Variants in PPARGC1A observed in about 807,000 individuals in gnomAD.
The protein encoded by PPARGC1A is PPARG coactivator 1 alpha, also known as peroxisome proliferator-activated receptor gamma coactivator 1-alpha.
In PPARGC1A, 25 loss-of-function variants were observed where a neutral mutation model predicts 88.7. That is an observed-to-expected ratio of 0.28 (90% CI 0.21 to 0.39). The LOEUF (loss-of-function observed/expected upper bound fraction) is 0.39, where lower values mean the gene tolerates loss of function less well. PPARGC1A is among the 10% of genes least tolerant of loss of function. PPARGC1A has a pLI of 1.00. For missense variants in PPARGC1A, 880 were observed against 968.7 expected, an observed-to-expected ratio of 0.91 and a Z score of 1.22; for synonymous variants, 363 against 355.6, an observed-to-expected ratio of 1.02 and a Z score of -0.24.
At chr4:24,447,793 C>G in the PPARGC1A span, among the ~76,000 whole-genome samples, 1 of 152,144 alleles carries the variant, frequency 6.6e-6, no homozygotes, top group Non-Finnish European at 1.5e-5. Flanking sequence ...GAGAAAACAT[C>G]GGCATGAAAC....
chr4:23,965,359 G>GAC, the PPARGC1A span, among the ~76,000 whole-genome samples: 2 of 152,158 alleles, frequency 1.3e-5, no homozygotes, highest in Non-Finnish European at 2.9e-5. Context: ...ACTAATGCTT[G>GAC]ACACTATGTC....
the PPARGC1A span, among the ~76,000 whole-genome samples, chr4:24,430,255 CTTTTTTTTTT>C: frequency 2.7e-5 from 3 of 110,774 alleles, no homozygotes; most frequent in Non-Finnish European, 5.4e-5. Context: ...TTTTGTATTT[CTTTTTTTTTT>C]TTTTTTTTTT....
the PPARGC1A span, among the ~76,000 whole-genome samples, chr4:24,136,377 A>C: frequency 2.0e-5 from 3 of 152,224 alleles, no homozygotes; most frequent in Non-Finnish European, 4.4e-5. Context: ...GTAGAGTTAC[A>C]GTGTATCACT....
In PPARGC1A at chr4:23,831,558, A is replaced by T; in HGVS notation, c.428T>A (p.Leu143Gln). ...CTAAACAGTAGGAAGGGTTCTTACT[A>T]GAGACGGCTCTTCTGCCTCCTGGGG... ...PPPQEAEEPSLLKKLLLAPAN... is the reference protein window; with the variant it reads ...PPPQEAEEPSQLKKLLLAPAN... The change falls in exon 3 of 13, where the codon CTA becomes CAA. Residue 143 changes from leucine to glutamine, a missense_variant and splice_region_variant. Coordinates refer to ENST00000264867, the MANE Select transcript of PPARGC1A (RefSeq NM_013261.5). The T allele has an allele frequency of 6.2e-7, 1 of 1,613,420 alleles. No individual in the cohort carries two copies.
At chr4:23,824,074 CTAAGTT>C (rs1723473584) in intron 7 of PPARGC1A, among the ~76,000 whole-genome samples, 200 bp downstream of exon 7, 1 of 151,364 alleles carries the variant, frequency 6.6e-6, no homozygotes, top group African/African-American at 2.4e-5. Context: ...TTCAGTTAGT[CTAAGTT>C]TTTTAAGCGC....
chr4:23,920,729 TAC>T, the PPARGC1A span, among the ~76,000 whole-genome samples: 1 of 152,222 alleles, frequency 6.6e-6, no homozygotes, highest in Non-Finnish European at 1.5e-5. Context: ...GGGGAAATTA[TAC>T]AGTGTTTTGC....
the PPARGC1A span, among the ~76,000 whole-genome samples, chr4:23,976,381 G>A: frequency 6.6e-6 from 1 of 152,086 alleles, no homozygotes; most frequent in Non-Finnish European, 1.5e-5. Flanking sequence ...TGGGGATGGG[G>A]GTGTTAACAC....
the PPARGC1A span, among the ~76,000 whole-genome samples, chr4:23,911,876 A>C: frequency 6.6e-6 from 1 of 152,166 alleles, no homozygotes; most frequent in African/African-American, 2.4e-5. Context: ...TGTGCAGCAG[A>C]TCTCTAGAAT....
the PPARGC1A span, among the ~76,000 whole-genome samples, chr4:24,020,907 G>A: frequency 6.6e-6 from 1 of 152,166 alleles, no homozygotes; most frequent in Non-Finnish European, 1.5e-5. Context: ...AACACCGAGG[G>A]TGCTGTTACG....
At chr4:24,103,595 C>CAAAAAAAAAAAAAAAAAAAAAAAAAAAA in the PPARGC1A span, among the ~76,000 whole-genome samples, 5 of 121,578 alleles carry the variant, frequency 4.1e-5, no homozygotes, top group South Asian at 5.4e-4. Flanking sequence ...TGCCTTCTTC[C>CAAAAAAAAAAAAAAAAAAAAAAAAAAAA]AAAAAAAAAA....
At chr4:24,317,598 A>AAAAAAAAAC in the PPARGC1A span, among the ~76,000 whole-genome samples, 1 of 111,358 alleles carries the variant, frequency 9.0e-6, no homozygotes, top group African/African-American at 3.6e-5. Context: ...AAAAAAAAAC[A>AAAAAAAAAC]CCACCACCAA....
chr4:23,924,481 C>A, the PPARGC1A span, among the ~76,000 whole-genome samples: 1 of 152,066 alleles, frequency 6.6e-6, no homozygotes, highest in African/African-American at 2.4e-5. Context: ...CAAAAATTAG[C>A]TGGGCATGGT....
chr4:24,285,317 G>C, the PPARGC1A span, among the ~76,000 whole-genome samples: 1 of 152,104 alleles, frequency 6.6e-6, no homozygotes, highest in Non-Finnish European at 1.5e-5. Context: ...ATTAAATCCT[G>C]GTCCCTGGTA....
At chr4:24,070,526 C>T in the PPARGC1A span, among the ~76,000 whole-genome samples, 7 of 152,084 alleles carry the variant, frequency 4.6e-5, no homozygotes, top group East Asian at 9.7e-4. Context: ...TGCTGGCCTA[C>T]GAAAAACAAA....
chr4:24,392,063 A>T, the PPARGC1A span, among the ~76,000 whole-genome samples: 1 of 152,214 alleles, frequency 6.6e-6, no homozygotes, highest in African/African-American at 2.4e-5. Context: ...GAGAAACCTG[A>T]TAGTTTTCCT....
At chr4:24,056,300 C>G in the PPARGC1A span, among the ~76,000 whole-genome samples, 1 of 152,180 alleles carries the variant, frequency 6.6e-6, no homozygotes, top group African/African-American at 2.4e-5. Context: ...AGCCATTCTG[C>G]CCCCAACCCT....
chr4:23,812,173 C>T (rs1483279527), intron 10 of PPARGC1A, among the ~76,000 whole-genome samples: 1 of 151,784 alleles, frequency 6.6e-6, no homozygotes, highest in Non-Finnish European at 1.5e-5. Context: ...AAACTTCTGG[C>T]CTTAAGTGAT....
At chr4:24,152,302 A>G in the PPARGC1A span, among the ~76,000 whole-genome samples, 1 of 152,354 alleles carries the variant, frequency 6.6e-6, no homozygotes, top group East Asian at 1.9e-4. Context: ...ATTAAAATCA[A>G]CAAAACTCTG....
the PPARGC1A span, among the ~76,000 whole-genome samples, chr4:24,325,170 C>G: frequency 6.6e-6 from 1 of 152,068 alleles, no homozygotes; most frequent in Non-Finnish European, 1.5e-5. Context: ...GCTCGTTCCC[C>G]AGCAACCCTG....
Sources: allele counts gnomAD v4.1 joint callset (sites outside exome capture counted in the v4.1 genomes callset), GRCh38; gene constraint gnomAD v4.1.1; transcripts MANE v1.5; gene names NCBI Gene and HGNC (gene_info 2026-07-23, HGNC 2026-07-21).